Variants in CDC42 observed in about 807,000 individuals in gnomAD.
CDC42 encodes cell division cycle 42, also known as cell division control protein 42 homolog.
In CDC42, 1 loss-of-function variant was observed where a neutral mutation model predicts 20.8. The observed-to-expected ratio is 0.05, with a 90% confidence interval of 0.02 to 0.23. The LOEUF (loss-of-function observed/expected upper bound fraction) is 0.23, where lower values mean the gene tolerates loss of function less well. Ranked by LOEUF, CDC42 falls within the 10% of genes least tolerant of loss-of-function variation. CDC42 has a pLI of 1.00. For synonymous variants in CDC42, 72 were observed against 84.8 expected (o/e 0.85, Z 0.83); for missense variants, 49 against 227.9 (o/e 0.21, Z 5.05).
intron 1 of CDC42, among the ~76,000 whole-genome samples, chr1:22,077,086 G>T (rs184133524): frequency 1.1e-3 from 163 of 152,268 alleles, no homozygotes; most frequent in Non-Finnish European, 1.7e-3. Context: ...AGTCTGGGAG[G>T]TGGAGGTTGC....
Position 22,081,715 on chromosome 1 carries a change from T to G in CDC42, c.106-7T>G. The G allele has an allele frequency of 6.2e-7, 1 of 1,601,874 alleles. No individual in the cohort carries two copies. The highest frequency in any genetic ancestry group is 8.6e-7 in the Non-Finnish European group (1 of 1,169,444). On this transcript the variant is annotated splice_polypyrimidine_tract_variant and splice_region_variant and intron_variant, in intron 2 of 5. Coordinates refer to ENST00000656825, the MANE Select transcript of CDC42 (RefSeq NM_001791.4). ...ACACTAACAGTGTTGTATTTTTTTG[T>G]TTTTAGGTTTTTGACAACTATGCAG...
At chr1:22,083,040 C>T (rs929136116) in intron 3 of CDC42, among the ~76,000 whole-genome samples, 3 of 151,786 alleles carry the variant, frequency 2.0e-5, no homozygotes, top group Non-Finnish European at 2.9e-5. Flanking sequence ...CCACCATACC[C>T]GGCTAATTTT....
At chr1:22,053,166 G>T (rs1385193666) in intron 1 of CDC42, 1 of 151,284 alleles carries the variant, frequency 6.6e-6, no homozygotes, top group African/African-American at 2.4e-5. Context: ...CGGGCCGGGC[G>T]CCGGTCTTCC....
chr1:22,090,347 CAA>C (rs1645703343), intron 5 of CDC42: 1 of 1,064,352 alleles, frequency 9.4e-7, no homozygotes, highest in South Asian at 3.5e-5. Context: ...GAGAAAATAA[CAA>C]GAGTTTTAAC....
chr1:22,083,829 C>T (rs2124027207), intron 3 of CDC42, among the ~76,000 whole-genome samples: 1 of 152,292 alleles, frequency 6.6e-6, no homozygotes, highest in African/African-American at 2.4e-5. Flanking sequence ...TGGTTCCAGG[C>T]AACCACTGAT....
At chr1:22,084,333 CTGTTTTT>C (rs771154991) in intron 3 of CDC42, among the ~76,000 whole-genome samples, 1 of 40,212 alleles carries the variant, frequency 2.5e-5, no homozygotes, top group Admixed American at 3.1e-4. Flanking sequence ...CACTTATTTC[CTGTTTTT>C]TTTTTTTTTT....
intron 1 of CDC42, among the ~76,000 whole-genome samples, chr1:22,066,358 G>C (rs1049622042): frequency 5.9e-5 from 9 of 151,800 alleles, no homozygotes; most frequent in African/African-American, 2.2e-4. Flanking sequence ...TTAGGTGACA[G>C]AGTGATACCC....
intron 5 of CDC42, among the ~76,000 whole-genome samples, chr1:22,089,400 G>T (rs543254935): frequency 2.6e-5 from 4 of 152,292 alleles, no homozygotes; most frequent in African/African-American, 7.2e-5. Context: ...TTGGGTGGTG[G>T]TTACTTGCTC....
In CDC42 at chr1:22,097,958, T is replaced by G. The variant is rs1303334165; in HGVS notation, c.*6441T>G. Among the ~76,000 whole-genome samples, 2 of 152,194 alleles carry G rather than the reference T, an allele frequency of 1.3e-5. No homozygotes were observed. The highest frequency in any genetic ancestry group is 4.8e-5 in the African/African-American group (2 of 41,452). ...TCTCTGAAGTAGAAGTGACAGATTTTCAAGGCTAAGGTAAGTATAGCATTT... is the reference window on the plus strand; with the variant it reads ...TCTCTGAAGTAGAAGTGACAGATTTGCAAGGCTAAGGTAAGTATAGCATTT... On this transcript the variant is annotated 3_prime_UTR_variant, in exon 6 of 6. Coordinates refer to ENST00000656825, the MANE Select transcript of CDC42 (RefSeq NM_001791.4).
chr1:22,091,078 CCCTTG>C (rs1306886471), intron 5 of CDC42, among the ~76,000 whole-genome samples: 3 of 152,198 alleles, frequency 2.0e-5, no homozygotes, highest in Admixed American at 6.5e-5. Context: ...AGAGCTGCTT[CCCTTG>C]TTTTTATGTA....
intron 1 of CDC42, among the ~76,000 whole-genome samples, chr1:22,067,527 T>G (rs919671150): frequency 1.3e-5 from 2 of 152,160 alleles, no homozygotes; most frequent in African/African-American, 2.4e-5. Context: ...GTATTTTTAG[T>G]GGAGACAGGG....
rs963719661 is a variant in CDC42 at position 22,101,243 on chromosome 1, G to C, written c.*9726G>C. 14 of 152,208 alleles carry C rather than the reference G, an allele frequency of 9.2e-5. No homozygotes were observed. The highest frequency in any genetic ancestry group is 1.9e-4 in the Non-Finnish European group (13 of 68,036). 9.4% of individuals were successfully genotyped at this position (152,208 alleles called of 1,614,324 possible). A position where few individuals can be genotyped will look rare whatever the true frequency, so the allele number is the denominator to read the frequency against. On this transcript the variant is annotated 3_prime_UTR_variant, in exon 6 of 6. Coordinates refer to ENST00000656825, the MANE Select transcript of CDC42 (RefSeq NM_001791.4). The stretch of plus-strand genomic sequence containing the variant: ...GGTAGTAATAACACTGTTGGAAAGA[G>C]CTCTCAGTTGGAAGTTGAAGATCCA...
chr1:22,095,548 C>T lies in CDC42; in HGVS notation c.*4031C>T, dbSNP rs112366217. Among the ~76,000 whole-genome samples the T allele has an allele frequency of 0.03, 4,501 of 152,244 alleles. 111 individuals carry two copies. The highest frequency in any genetic ancestry group is 0.063 in the African/African-American group (2,621 of 41,518). On this transcript the variant is annotated 3_prime_UTR_variant, in exon 6 of 6. Transcript: ENST00000656825. The stretch of plus-strand genomic sequence containing the variant: ...CCTCCCAAAGTGCTAGGATTACAGG[C>T]GTGAGCCACCGCGCCTGGCCAGAAT...
intron 1 of CDC42, among the ~76,000 whole-genome samples, chr1:22,063,069 G>C (rs1369751081): frequency 6.6e-6 from 1 of 152,064 alleles, no homozygotes; most frequent in African/African-American, 2.4e-5. Context: ...GTTCTGCTTA[G>C]CTTTTAGAGT....
At chr1:22,060,789 A>G (rs1050944353) in intron 1 of CDC42, among the ~76,000 whole-genome samples, 19 of 152,168 alleles carry the variant, frequency 1.2e-4, no homozygotes, top group African/African-American at 4.3e-4. Flanking sequence ...CATTCATATC[A>G]CTTGCTTGCC....
intron 3 of CDC42, among the ~76,000 whole-genome samples, chr1:22,083,400 T>A (rs540710894): frequency 4.0e-4 from 61 of 151,652 alleles, no homozygotes; most frequent in African/African-American, 1.4e-3. Context: ...GTCAGGAGTT[T>A]GAGACCAGCC....
At chr1:22,089,742 A>T (rs1645696660) in intron 5 of CDC42, among the ~76,000 whole-genome samples, 1 of 152,218 alleles carries the variant, frequency 6.6e-6, no homozygotes, top group Admixed American at 6.5e-5. Context: ...CTGCTCAGTT[A>T]ACCTTGCTTG....
Position 22,091,405 on chromosome 1 carries a change from T to G in CDC42, c.487-23T>G, listed in dbSNP as rs1645714189. The G allele has an allele frequency of 2.0e-6, 3 of 1,522,810 alleles. No homozygotes were observed. In the African/African-American group the frequency reaches 4.1e-5, roughly 21 times the overall value. The allele number at this position is 1,522,810 out of a possible 1,614,324, so 94.3% of individuals were successfully genotyped here. On this transcript the variant is annotated intron_variant, in intron 5 of 5. Transcript: ENST00000656825. ...TTATACTGAAAATCAGACCGCCCAT[T>G]TTTTCTTTCTACCCCTTTTCAGAAA...
chr1:22,076,042 GCT>G (rs2152830117), intron 1 of CDC42, among the ~76,000 whole-genome samples: 1 of 152,238 alleles, frequency 6.6e-6, no homozygotes, highest in Non-Finnish European at 1.5e-5. Flanking sequence ...CTTTATATTT[GCT>G]TTCCTCTTTG....
Sources: gnomAD v4.1 joint callset for allele counts (sites outside exome capture counted in the v4.1 genomes callset) on GRCh38, gnomAD v4.1.1 for gene constraint, MANE v1.5 for transcripts, NCBI Gene and HGNC (gene_info 2026-07-23, HGNC 2026-07-21) for gene names.